The following MYO7B variants were observed in gnomAD, a reference collection of about 807,000 sequenced individuals.
MYO7B encodes the protein myosin VIIB.
A neutral mutation model predicts 259.7 loss-of-function variants in MYO7B; 212 were observed. That is an observed-to-expected ratio of 0.82 (90% CI 0.73 to 0.91). The LOEUF (loss-of-function observed/expected upper bound fraction) is 0.91, where lower values mean the gene tolerates loss of function less well. MYO7B is among the 40% of genes least tolerant of loss of function. MYO7B has a pLI of 0.00. For synonymous variants in MYO7B, 1,197 were observed against 1,166.4 expected (o/e 1.03, Z -0.54); for missense variants, 2,732 against 2,813.5 (o/e 0.97, Z 0.66).
intron 1 of MYO7B, among the ~76,000 whole-genome samples, chr2:127,545,519 G>A (rs374596646): frequency 1.3e-5 from 2 of 152,238 alleles, no homozygotes; most frequent in African/African-American, 4.8e-5. Flanking sequence ...GACAAGTCGG[G>A]GAAAATGAAA....
intron 26 of MYO7B, among the ~76,000 whole-genome samples, chr2:127,617,499 T>TTTTTTTG: frequency 7.6e-6 from 1 of 131,528 alleles, no homozygotes; most frequent in East Asian, 2.4e-4. Context: ...TTTTTTTTTT[T>TTTTTTTG]TTTTTTTTTT....
In MYO7B at chr2:127,615,094, AG is replaced by A. The variant is rs1680520510; in HGVS notation, c.3398+2493del. ...TTTAGCTGGGGGGCACGAGAGGACCAGGAAATTCACAATGCCAGTGAATTTC... is the reference window on the plus strand; with the variant it reads ...TTTAGCTGGGGGGCACGAGAGGACCAGAAATTCACAATGCCAGTGAATTTC... On this transcript the variant is annotated intron_variant, in intron 26 of 47. Coordinates refer to ENST00000409816, the MANE Select transcript of MYO7B (RefSeq NM_001393586.1). This position sits in a 1 kb window ranked among gnomAD's most constrained non-coding sequence, Gnocchi z 4.4. 1.3e-5 allele frequency among the ~76,000 whole-genome samples: 2 copies of A among 152,268 alleles called. No individual in the cohort carries two copies. Among genetic ancestry groups the A allele is most frequent in the South Asian group, 4.1e-4 (2 of 4,822 alleles).
Position 127,566,731 on chromosome 2 carries a change from G to T in MYO7B, c.374G>T (p.Arg125Leu), listed in dbSNP as rs202156444. Reference sequence around the variant, plus strand: ...GAGCAGGTACAGCTCTACTACAGCCGCCATATGGGCGAGCTGCCCCCGCAT... The same window carrying T: ...GAGCAGGTACAGCTCTACTACAGCCTCCATATGGGCGAGCTGCCCCCGCAT... ...TLEQVQLYYS[R>L]HMGELPPHVF... is the part of the protein sequence containing the mutation. The change falls in exon 5 of 48, where the codon CGC becomes CTC. Residue 125 changes from arginine to leucine, a missense_variant. Physicochemically the swap from Arg to Leu is moderately radical, Grantham distance 102 (BLOSUM62 -2). Transcript: ENST00000409816. 1.2e-6 allele frequency: 2 copies of T among 1,612,384 alleles called. No individual in the cohort carries two copies. Among genetic ancestry groups the T allele is most frequent in the African/African-American group, 1.3e-5 (1 of 74,920 alleles).
chr2:127,575,627 T>C (rs993587501), intron 7 of MYO7B, among the ~76,000 whole-genome samples: 1 of 152,066 alleles, frequency 6.6e-6, no homozygotes, highest in Non-Finnish European at 1.5e-5. Flanking sequence ...TATAAGTAAA[T>C]GTTTTTTTAA....
intron 19 of MYO7B, among the ~76,000 whole-genome samples, chr2:127,600,238 G>C (rs568369033): frequency 6.6e-6 from 1 of 152,216 alleles, no homozygotes; most frequent in African/African-American, 2.4e-5. Context: ...TGCTTTCTGA[G>C]GAACTAGTCC....
rs1250578690 is a variant in MYO7B, at chr2:127,628,004, A to C, written c.4461-368A>C. 1 of 483,660 alleles carries C rather than the reference A, an allele frequency of 2.1e-6. No individual in the cohort carries two copies. The highest frequency in any genetic ancestry group is 6.2e-5 in the East Asian group (1 of 16,044). The allele number at this position is 483,660 out of a possible 1,614,324, so 30.0% of individuals were successfully genotyped here. ...CATCACCCATTCTGCAGATGAGCGGATGAGTAAACTGAAGCACGCCGAGGT... is the reference window on the plus strand; with the variant it reads ...CATCACCCATTCTGCAGATGAGCGGCTGAGTAAACTGAAGCACGCCGAGGT... On this transcript the variant is annotated intron_variant, in intron 33 of 47. Transcript: ENST00000409816. This position sits in a 1 kb window ranked among gnomAD's most constrained non-coding sequence, Gnocchi z 4.8.
At chr2:127,592,069 C>T (rs990208974) in intron 16 of MYO7B, among the ~76,000 whole-genome samples, 3 of 152,214 alleles carry the variant, frequency 2.0e-5, no homozygotes, top group Non-Finnish European at 4.4e-5. Flanking sequence ...GCTTTCCACC[C>T]CGACCTATGT....
chr2:127,580,749 C>T lies in MYO7B; in HGVS notation c.1007C>T (p.Ser336Leu), dbSNP rs754253048. The T allele has an allele frequency of 1.1e-5, 18 of 1,612,478 alleles. No individual in the cohort carries two copies. The highest frequency in any genetic ancestry group is 2.2e-5 in the East Asian group (1 of 44,842). ...LHLGNVGFMA[S>L]VFENLDASDV... ...GCATTCCTGCTTCTCTCTCTAGCTT[C>T]GGTCTTCGAGAACCTGGACGCCTCA... Residue 336 changes from serine to leucine, a missense_variant, in exon 10 of 48, where the codon TCG becomes TTG. By Grantham distance (145) the Ser-to-Leu change is moderately radical. This residue lies in a region of MYO7B where 1,906 missense variants were observed against 2,026.4 expected (regional missense o/e 0.94). Transcript: ENST00000409816.
intron 19 of MYO7B, among the ~76,000 whole-genome samples, chr2:127,602,567 T>G (rs1680002092): frequency 6.6e-6 from 1 of 152,136 alleles, no homozygotes; most frequent in Non-Finnish European, 1.5e-5. Flanking sequence ...GGAAGGATCC[T>G]TGAGGCCAGG....
At chr2:127,554,640 A>G (rs186462351) in intron 1 of MYO7B, among the ~76,000 whole-genome samples, 1 of 152,314 alleles carries the variant, frequency 6.6e-6, no homozygotes, top group African/African-American at 2.4e-5. Flanking sequence ...GTTGTGGAAT[A>G]GTATCAATAG....
In MYO7B at chr2:127,584,740, C is replaced by G; in HGVS notation, c.1555-38C>G. On this transcript the variant is annotated intron_variant, in intron 13 of 47. Transcript: ENST00000409816. This position sits in a 1 kb window ranked among gnomAD's most constrained non-coding sequence, Gnocchi z 5.8. ...AGCCTCACCTCCCCATGGCTGGACT[C>G]TGGGACCTCAGCCCACAGGGTGTCT... 1 of 1,611,052 alleles carries G rather than the reference C, an allele frequency of 6.2e-7. No homozygotes were observed. Among genetic ancestry groups the G allele is most frequent in the South Asian group, 1.1e-5 (1 of 90,648 alleles).
At chr2:127,625,887 G>A in intron 31 of MYO7B, 1 of 231,892 alleles carries the variant, frequency 4.3e-6, no homozygotes, top group Non-Finnish European at 8.3e-6. Context: ...GGGCCCCCCT[G>A]CCTGCCTCTG....
rs112806754 is a variant in MYO7B at position 127,547,533 on chromosome 2, G to A, written c.-24+11702G>A. On this transcript the variant is annotated intron_variant, in intron 1 of 47. Coordinates refer to ENST00000409816, the MANE Select transcript of MYO7B (RefSeq NM_001393586.1). ...GGGGAAGAGGTAAGATACAAGGTGG[G>A]CTGAAAAGGTAGGCAGGCTATGATG... Among the ~76,000 whole-genome samples the A allele has an allele frequency of 5.9e-3, 896 of 152,334 alleles. 8 individuals are homozygous for A. Among genetic ancestry groups the A allele is most frequent in the African/African-American group, 0.02 (845 of 41,574 alleles).
intron 19 of MYO7B, among the ~76,000 whole-genome samples, chr2:127,600,127 G>C (rs1679908529): frequency 6.6e-6 from 1 of 152,014 alleles, no homozygotes; most frequent in Admixed American, 6.6e-5. Context: ...ATCTGGGCCT[G>C]GGAATTTTTT....
intron 19 of MYO7B, 131 bp downstream of exon 19, chr2:127,596,687 C>A (rs556640890): frequency 4.2e-6 from 3 of 716,526 alleles, no homozygotes; most frequent in South Asian, 3.3e-5. Context: ...TCTTCCAATG[C>A]CTTCCAACCA....
rs2104950281 is a variant in MYO7B, at chr2:127,586,523, T to A, written c.1690+1610T>A. Reference sequence around the variant, plus strand: ...GGGAGAAAGGGAAAGGTGCCGTGGCTCCTTCATAGTTCCTGCCACATCCTG... The same window carrying A: ...GGGAGAAAGGGAAAGGTGCCGTGGCACCTTCATAGTTCCTGCCACATCCTG... On this transcript the variant is annotated intron_variant, in intron 14 of 47. Transcript: ENST00000409816. The surrounding 1 kb of genome is among the most constrained non-coding windows in gnomAD (Gnocchi z 4.8). 6.6e-6 allele frequency among the ~76,000 whole-genome samples: 1 copy of A among 152,254 alleles called. No individual in the cohort carries two copies. Among genetic ancestry groups the A allele is most frequent in the Non-Finnish European group, 1.5e-5 (1 of 68,012 alleles).
chr2:127,536,476 G>A (rs867431761), intron 1 of MYO7B, among the ~76,000 whole-genome samples: 2 of 148,124 alleles, frequency 1.4e-5, no homozygotes, highest in East Asian at 2.2e-4. Context: ...GTGGGGGGGG[G>A]GGTGGGGGAA....
intron 6 of MYO7B, among the ~76,000 whole-genome samples, chr2:127,573,537 C>G (rs1678734081): frequency 6.6e-6 from 1 of 152,218 alleles, no homozygotes; most frequent in Non-Finnish European, 1.5e-5. Flanking sequence ...CTCCCACACT[C>G]TCTCAGAAGC....
intron 9 of MYO7B, among the ~76,000 whole-genome samples, chr2:127,579,011 A>T (rs148506599): frequency 3.4e-4 from 52 of 152,330 alleles, no homozygotes; most frequent in African/African-American, 1.2e-3. Context: ...AATTAAAAAA[A>T]AAAATAACCA....
Sources: gnomAD v4.1 joint callset for allele counts (sites outside exome capture counted in the v4.1 genomes callset) on GRCh38, gnomAD v4.1.1 for gene constraint, gnomAD v4.1.1 regional missense constraint, Gnocchi (gnomAD v3.1) non-coding constraint, MANE v1.5 for transcripts, NCBI Gene and HGNC (gene_info 2026-07-23, HGNC 2026-07-21) for gene names.